The following CNTN5 variants were observed in gnomAD, a reference collection of about 807,000 sequenced individuals.
CNTN5 encodes contactin-5.
Under a neutral mutation model 129.1 loss-of-function variants are expected in CNTN5, and 77 were observed. The ratio of observed to expected loss-of-function variants is 0.60; its 90% CI spans 0.50 to 0.72. The LOEUF (loss-of-function observed/expected upper bound fraction) is 0.72. Ranked by LOEUF, CNTN5 falls within the 30% of genes least tolerant of loss-of-function variation. The pLI, the probability that CNTN5 is intolerant of heterozygous loss-of-function variation, is 0.00. For missense variants in CNTN5, 1,478 were observed against 1,328.8 expected (o/e 1.11, Z -1.75); for synonymous variants, 509 against 465.6 (o/e 1.09, Z -1.20).
intron 1 of CNTN5, among the ~76,000 whole-genome samples, chr11:99,229,918 TATATATATTGCACATTAA>T (rs1860901209): frequency 1.3e-5 from 2 of 152,002 alleles, no homozygotes; most frequent in South Asian, 4.1e-4. Context: ...TAATGTGCAA[TATATATATTGCACATTAA>T]TGGAAAAATA....
chr11:99,137,240 G>A (rs1477336071), intron 1 of CNTN5, among the ~76,000 whole-genome samples: 1 of 152,136 alleles, frequency 6.6e-6, no homozygotes, highest in Admixed American at 6.5e-5. Context: ...TAACATCTCA[G>A]TCGGACATTC....
At chr11:99,350,230 G>A (rs559021210) in intron 2 of CNTN5, among the ~76,000 whole-genome samples, 1 of 151,974 alleles carries the variant, frequency 6.6e-6, no homozygotes, top group African/African-American at 2.4e-5. Context: ...CTATGTATAT[G>A]AAAAGTAAGC....
At chr11:99,942,852 T>C (rs141420994) in intron 7 of CNTN5, among the ~76,000 whole-genome samples, 1 of 152,096 alleles carries the variant, frequency 6.6e-6, no homozygotes, top group African/African-American at 2.4e-5. Context: ...ACAAAGGACA[T>C]GAACTCATTC....
chr11:99,613,358 A>G (rs931004223), intron 3 of CNTN5, among the ~76,000 whole-genome samples: 5 of 151,960 alleles, frequency 3.3e-5, no homozygotes, highest in South Asian at 2.1e-4. Flanking sequence ...AGTCTTGGGG[A>G]GAAGGGTCCT....
chr11:99,601,776 T>G (rs1277994914), intron 3 of CNTN5, among the ~76,000 whole-genome samples: 1 of 152,192 alleles, frequency 6.6e-6, no homozygotes, highest in Admixed American at 6.5e-5. Flanking sequence ...CTGTGCTGCC[T>G]GCTTTCTGAG....
chr11:100,144,564 C>T (rs924396512), intron 13 of CNTN5, among the ~76,000 whole-genome samples: 1 of 152,140 alleles, frequency 6.6e-6, no homozygotes, highest in African/African-American at 2.4e-5. Flanking sequence ...TGCATTTGCT[C>T]TGACTCTGAA....
chr11:100,166,683 C>T lies in CNTN5; in HGVS notation c.1581-24443C>T, dbSNP rs539588935. Among the ~76,000 whole-genome samples the T allele has an allele frequency of 3.4e-4, 51 of 151,882 alleles. No individual in the cohort carries two copies. In the East Asian group the frequency reaches 9.4e-3, roughly 28 times the overall value. On this transcript the variant is annotated intron_variant, in intron 13 of 24. Coordinates refer to ENST00000524871, the MANE Select transcript of CNTN5 (RefSeq NM_014361.4). ...CCTACCATTAAGTCTGTCTTCATAT[C>T]TAAAGCAGAATAGGCACAAAGGAAA... is the stretch of plus-strand genomic sequence containing the variant.
chr11:100,136,260 A>AT (rs11396255), intron 13 of CNTN5, among the ~76,000 whole-genome samples: 103,477 of 151,868 alleles, frequency 0.68, 36,590 homozygotes, highest in African/African-American at 0.87. Context: ...GGCTATTTCA[A>AT]TCTTCTGTTC....
chr11:100,325,750 A>C (rs1951776301), intron 21 of CNTN5, among the ~76,000 whole-genome samples: 1 of 152,220 alleles, frequency 6.6e-6, no homozygotes, highest in Non-Finnish European at 1.5e-5. Flanking sequence ...CTGGGAGATA[A>C]AGTCTAGAAA....
intron 2 of CNTN5, among the ~76,000 whole-genome samples, chr11:99,396,665 T>A (rs1941541504): frequency 6.6e-6 from 1 of 151,714 alleles, no homozygotes; most frequent in Non-Finnish European, 1.5e-5. Context: ...ATAAGAAAGC[T>A]GCTTTTGTCA....
chr11:99,822,878 G>A (rs992317026), intron 4 of CNTN5, among the ~76,000 whole-genome samples: 5 of 152,164 alleles, frequency 3.3e-5, no homozygotes, highest in Non-Finnish European at 7.3e-5. Context: ...GGTTACAAAA[G>A]CCACTGGCTT....
intron 7 of CNTN5, among the ~76,000 whole-genome samples, chr11:99,920,411 A>G (rs764727986): frequency 2.6e-5 from 4 of 152,130 alleles, no homozygotes; most frequent in Non-Finnish European, 5.9e-5. Flanking sequence ...TCCCTAACAT[A>G]CATCTCTAAC....
intron 6 of CNTN5, among the ~76,000 whole-genome samples, chr11:99,873,749 T>C (rs552768042): frequency 6.6e-6 from 1 of 152,266 alleles, no homozygotes; most frequent in African/African-American, 2.4e-5. Flanking sequence ...ATTAAAAATA[T>C]ATCTGCACTC....
intron 15 of CNTN5, among the ~76,000 whole-genome samples, chr11:100,216,136 T>C (rs879464643): frequency 6.6e-6 from 1 of 152,108 alleles, no homozygotes; most frequent in Admixed American, 6.5e-5. Flanking sequence ...AGGTCAATAC[T>C]CATTTTAACT....
rs114757084 is a variant in CNTN5 at position 99,652,416 on chromosome 11, C to A, written c.55+96147C>A. On this transcript the variant is annotated intron_variant, in intron 3 of 24. Transcript: ENST00000524871. The stretch of plus-strand genomic sequence containing the variant: ...TCTTTGTCATATAAAGTAACCTAAT[C>A]AAGAGAGTGACTGTTCTATATGATT... Among the ~76,000 whole-genome samples, 339 of 152,120 alleles carry A rather than the reference C, an allele frequency of 2.2e-3. 1 individual carries two copies. The highest frequency in any genetic ancestry group is 7.4e-3 in the African/African-American group (309 of 41,532).
chr11:99,967,767 G>A (rs7105960), intron 8 of CNTN5, among the ~76,000 whole-genome samples: 1 of 152,054 alleles, frequency 6.6e-6, no homozygotes, highest in Non-Finnish European at 1.5e-5. Context: ...CTGTAACAGT[G>A]TTGCTTCCAG....
At chr11:100,175,793 T>A (rs990965576) in intron 13 of CNTN5, among the ~76,000 whole-genome samples, 1 of 151,982 alleles carries the variant, frequency 6.6e-6, no homozygotes, top group African/African-American at 2.4e-5. Flanking sequence ...TGAAACAAAG[T>A]TGGGAAGAAA....
intron 21 of CNTN5, among the ~76,000 whole-genome samples, chr11:100,335,087 G>C (rs559143858): frequency 6.6e-6 from 1 of 151,884 alleles, no homozygotes; most frequent in Non-Finnish European, 1.5e-5. Context: ...GGGAGGCTGC[G>C]CATGTGTAGT....
At chr11:99,826,151 C>CT (rs1031556288) in intron 4 of CNTN5, among the ~76,000 whole-genome samples, 11 of 151,294 alleles carry the variant, frequency 7.3e-5, no homozygotes, top group South Asian at 2.1e-4. Flanking sequence ...TTGACTTTGG[C>CT]TTTTTTTTGC....
Sources: gnomAD v4.1 joint callset for allele counts (sites outside exome capture counted in the v4.1 genomes callset) on GRCh38, gnomAD v4.1.1 for gene constraint, MANE v1.5 for transcripts, NCBI Gene and HGNC (gene_info 2026-07-23, HGNC 2026-07-21) for gene names.